ATP8A2: variants seen among roughly 807,000 people sequenced by gnomAD.
ATP8A2 encodes the protein phospholipid-transporting ATPase IB.
In ATP8A2, 100 loss-of-function variants were observed where a neutral mutation model predicts 165.6. The observed-to-expected ratio is 0.60, with a 90% confidence interval of 0.51 to 0.71. ATP8A2 has a LOEUF of 0.71. ATP8A2 is among the 30% of genes least tolerant of loss of function. The pLI is 0.00. For synonymous variants in ATP8A2, 543 were observed against 548.8 expected, an observed-to-expected ratio of 0.99 and a Z score of 0.15; for missense variants, 1,227 against 1,479.5, an observed-to-expected ratio of 0.83 and a Z score of 2.80.
intron 24 of ATP8A2, among the ~76,000 whole-genome samples, chr13:25,698,856 A>G (rs1206741861): frequency 1.3e-5 from 2 of 152,314 alleles, no homozygotes; most frequent in South Asian, 2.1e-4. Context: ...CAATAATGCT[A>G]TCTTTCCCCA....
chr13:25,984,320 G>A, intron 35 of ATP8A2, among the ~76,000 whole-genome samples: 1 of 152,020 alleles, frequency 6.6e-6, no homozygotes, highest in Non-Finnish European at 1.5e-5. Context: ...AGGGTAGGTT[G>A]GAGCTGGGCC....
At chr13:25,911,783 A>C (rs551607081) in intron 33 of ATP8A2, among the ~76,000 whole-genome samples, 1 of 152,190 alleles carries the variant, frequency 6.6e-6, no homozygotes, top group African/African-American at 2.4e-5. Flanking sequence ...TGAGCCCCCA[A>C]ACCTTTTCTT....
At chr13:25,617,479 T>C (rs1286165543) in intron 24 of ATP8A2, among the ~76,000 whole-genome samples, 4 of 152,188 alleles carry the variant, frequency 2.6e-5, no homozygotes, top group Admixed American at 6.5e-5. Context: ...CTCTGAGAAA[T>C]GAGAGGATAG....
intron 25 of ATP8A2, among the ~76,000 whole-genome samples, chr13:25,765,147 G>GT (rs1284380520): frequency 1.3e-5 from 2 of 152,150 alleles, no homozygotes; most frequent in Non-Finnish European, 2.9e-5. Context: ...ACTGATTTTT[G>GT]TAAGTCTCAA....
chr13:25,399,725 TTCCTCTTCCTCCTTC>T (rs796816522), intron 1 of ATP8A2, among the ~76,000 whole-genome samples: 15 of 148,304 alleles, frequency 1.0e-4, no homozygotes, highest in East Asian at 3.9e-4. Context: ...TTTCTTCTCC[TTCCTCTTCCTCCTTC>T]TCCTCTTCCT....
At chr13:25,934,951 C>A (rs912615265) in intron 33 of ATP8A2, among the ~76,000 whole-genome samples, 1 of 152,174 alleles carries the variant, frequency 6.6e-6, no homozygotes, top group Non-Finnish European at 1.5e-5. Context: ...GGAGTGGACT[C>A]AGATACCATT....
Position 25,633,425 on chromosome 13 carries a change from C to T in ATP8A2, c.2211+43726C>T, listed in dbSNP as rs948754477. On this transcript the variant is annotated intron_variant, in intron 24 of 36. Transcript: ENST00000381655. ...TACTTTTCAGCCTTACCTTCCTTTA[C>T]AGAGAGAGAGATAAAGAGAGCAAGA... Among the ~76,000 whole-genome samples, 11 of 152,096 alleles carry T rather than the reference C, an allele frequency of 7.2e-5. No individual in the cohort carries two copies. The South Asian group carries it at 1.4e-3, about 20-fold the overall frequency.
At chr13:25,526,319 G>T (rs555482688) in intron 2 of ATP8A2, among the ~76,000 whole-genome samples, 1 of 152,008 alleles carries the variant, frequency 6.6e-6, no homozygotes, top group Non-Finnish European at 1.5e-5. Flanking sequence ...TGCTTCGTTT[G>T]TTCAGGGAAG....
At chr13:25,839,026 A>C (rs1951694174) in intron 29 of ATP8A2, among the ~76,000 whole-genome samples, 1 of 152,216 alleles carries the variant, frequency 6.6e-6, no homozygotes, top group South Asian at 2.1e-4. Flanking sequence ...GAAGAAGTTG[A>C]GTGAGAGGGA....
At chr13:25,550,958 A>G (rs1031227609) in intron 10 of ATP8A2, among the ~76,000 whole-genome samples, 1 of 152,116 alleles carries the variant, frequency 6.6e-6, no homozygotes, top group African/African-American at 2.4e-5. Context: ...CTAGATTTTT[A>G]TGGTATGGAA....
chr13:25,786,754 G>GTT (rs1555266490), intron 27 of ATP8A2, among the ~76,000 whole-genome samples: 2 of 134,640 alleles, frequency 1.5e-5, no homozygotes, highest in Non-Finnish European at 1.6e-5. Flanking sequence ...ACAATTCTAT[G>GTT]TTTTTTTTTT....
intron 24 of ATP8A2, among the ~76,000 whole-genome samples, chr13:25,591,922 A>T (rs900005685): frequency 1.3e-5 from 2 of 152,120 alleles, no homozygotes; most frequent in Non-Finnish European, 2.9e-5. Flanking sequence ...GCTGAATCAT[A>T]TGGTAATTTT....
intron 24 of ATP8A2, among the ~76,000 whole-genome samples, chr13:25,622,061 C>T (rs1451522233): frequency 6.6e-6 from 1 of 151,980 alleles, no homozygotes; most frequent in Non-Finnish European, 1.5e-5. Flanking sequence ...AAAACACTAC[C>T]TGGGCATGGT....
chr13:25,551,406 G>A lies in ATP8A2; in HGVS notation c.960G>A (p.Leu320=), dbSNP rs772416354. 1 of 1,614,148 alleles carries A rather than the reference G, an allele frequency of 6.2e-7. No individual in the cohort carries two copies. The highest frequency in any genetic ancestry group is 8.5e-7 in the Non-Finnish European group (1 of 1,180,006). The part of the protein sequence containing the change: ...EKVTNVQILV[L]FGILLVMALV... ...TGACTAACGTGCAGATCCTGGTGTT[G>A]TTTGGCATCCTCTTGGTCATGGCCT... Residue 320 remains leucine (L), a synonymous_variant, in exon 11 of 37, where the codon TTG becomes TTA. Transcript: ENST00000381655.
chr13:25,699,435 G>A, intron 25 of ATP8A2, 90 bp downstream of exon 25: 2 of 1,056,534 alleles, frequency 1.9e-6, no homozygotes, highest in Admixed American at 3.6e-5. Flanking sequence ...GGAATTCTAG[G>A]TTTAAAGTTT....
chr13:25,882,947 G>GTGA (rs1029336084), intron 33 of ATP8A2, among the ~76,000 whole-genome samples: 2 of 148,282 alleles, frequency 1.3e-5, no homozygotes, highest in African/African-American at 4.9e-5. Context: ...GATGGTGATG[G>GTGA]TGATGATGGT....
chr13:25,565,101 G>A (rs866332919), intron 16 of ATP8A2, among the ~76,000 whole-genome samples: 4 of 151,948 alleles, frequency 2.6e-5, no homozygotes, highest in East Asian at 1.9e-4. Context: ...ATGTATATGT[G>A]TATATATTAT....
At chr13:25,785,848 A>T (rs149715335) in intron 27 of ATP8A2, among the ~76,000 whole-genome samples, 1 of 152,332 alleles carries the variant, frequency 6.6e-6, no homozygotes, top group African/African-American at 2.4e-5. Context: ...GGAAGAAGAT[A>T]AAGGAAGGAG....
chr13:25,416,805 G>T (rs190874832), intron 1 of ATP8A2, among the ~76,000 whole-genome samples: 85 of 152,274 alleles, frequency 5.6e-4, no homozygotes, highest in African/African-American at 2.0e-3. Flanking sequence ...CCTCTGAATG[G>T]TATCGTTCAG....
Sources: gnomAD v4.1 joint callset for allele counts (sites outside exome capture counted in the v4.1 genomes callset) on GRCh38, gnomAD v4.1.1 for gene constraint, MANE v1.5 for transcripts, NCBI Gene and HGNC (gene_info 2026-07-23, HGNC 2026-07-21) for gene names.